SRRM2: variants seen among roughly 807,000 people sequenced by gnomAD.
SRRM2 encodes serine/arginine repetitive matrix protein 2.
A neutral mutation model predicts 213.8 loss-of-function variants in SRRM2; 30 were observed. That is an observed-to-expected ratio of 0.14 (90% CI 0.10 to 0.19). The LOEUF (loss-of-function observed/expected upper bound fraction) is 0.19. Among genes scored for constraint, SRRM2 ranks in the 10% least tolerant of loss-of-function variants. The probability of loss-of-function intolerance (pLI) is 1.00; values close to 1 mark genes in which losing one functional copy is unlikely to be tolerated. For synonymous variants in SRRM2, 2,025 were observed against 1,377.7 expected, an observed-to-expected ratio of 1.47 and a Z score of -10.40; for missense variants, 4,904 against 3,647.0, an observed-to-expected ratio of 1.34 and a Z score of -8.88.
intron 12 of SRRM2, chr16:2,769,640 C>G (rs1293509129): frequency 1.8e-6 from 1 of 565,402 alleles, no homozygotes; most frequent in Non-Finnish European, 3.4e-6. Context: ...TCCTCCCTGT[C>G]TCCCCGTCTC....
At position 2,765,192 on chromosome 16, in the gene SRRM2, A is replaced by G. The variant is rs2068496161; in HGVS notation, c.4664A>G (p.Glu1555Gly). Reference protein sequence around the residue: ...LDVKPSASPQERSESDSSPDS... With the variant: ...LDVKPSASPQGRSESDSSPDS... Reference sequence around the variant, plus strand: ...GTGAAACCCAGTGCATCCCCTCAGGAAAGAAGTGAGTCAGACTCTTCTCCA... The same window carrying G: ...GTGAAACCCAGTGCATCCCCTCAGGGAAGAAGTGAGTCAGACTCTTCTCCA... The change falls in exon 11 of 15, where the codon GAA (glutamate) becomes GGA (glycine). Residue 1555 changes from glutamate (E) to glycine (G), a missense_variant. Physicochemically the swap from Glu to Gly is moderately conservative, Grantham distance 98. Transcript: ENST00000301740. 6.2e-7 allele frequency: 1 copy of G among 1,614,164 alleles called. No individual in the cohort carries two copies. The highest frequency in any genetic ancestry group is 2.2e-5 in the East Asian group (1 of 44,884).
chr16:2,762,960 C>T lies in SRRM2; in HGVS notation c.2432C>T (p.Pro811Leu), dbSNP rs1335524358. Residue 811 changes from proline (P) to leucine (L), a missense_variant, in exon 11 of 15, where the codon CCA becomes CTA. Coordinates refer to ENST00000301740, the MANE Select transcript of SRRM2 (RefSeq NM_016333.4). ...SSQPKAKSRT[P>L]PRRSRSSSSP... is the part of the protein sequence containing the mutation. ...CAACCTAAAGCTAAATCTAGAACGCCACCCAGACGCAGTCGCTCCAGTTCT... is the reference window on the plus strand; with the variant it reads ...CAACCTAAAGCTAAATCTAGAACGCTACCCAGACGCAGTCGCTCCAGTTCT... 3 of 1,611,272 alleles carry T rather than the reference C, an allele frequency of 1.9e-6. No individual in the cohort carries two copies. In the Admixed American group the frequency reaches 5.0e-5, roughly 27 times the overall value.
Position 2,770,881 on chromosome 16 carries a change from G to T in SRRM2, c.*14G>T, listed in dbSNP as rs1050134. On this transcript the variant is annotated 3_prime_UTR_variant, in exon 15 of 15. Transcript: ENST00000301740. Reference sequence around the variant, plus strand: ...AGGTCTCCATAAATTGTCTTTGGGGGATTCCACCACACCCAATGCTCTGGA... The same window carrying T: ...AGGTCTCCATAAATTGTCTTTGGGGTATTCCACCACACCCAATGCTCTGGA... 248,484 of 1,613,160 alleles carry T rather than the reference G, an allele frequency of 0.15. 20,337 individuals are homozygous for T. Among genetic ancestry groups the T allele is most frequent in the East Asian group, 0.25 (11,236 of 44,868 alleles).
At chr16:2,755,672 T>C (rs529029347) in intron 1 of SRRM2, among the ~76,000 whole-genome samples, 2 of 152,358 alleles carry the variant, frequency 1.3e-5, no homozygotes, top group South Asian at 4.1e-4. Flanking sequence ...ATATGACGAT[T>C]ATCCAAGGTT....
At position 2,765,852 on chromosome 16, in the gene SRRM2, C is replaced by CCCG; in HGVS notation, c.5326_5328dup (p.Arg1776dup). 1 of 1,614,084 alleles carries CCCG rather than the reference C, an allele frequency of 6.2e-7. No homozygotes were observed. Among genetic ancestry groups the CCCG allele is most frequent in the East Asian group, 2.2e-5 (1 of 44,880 alleles). ...CCTCGTGGACTCCAGAGGTCCCGTT[C>CCCG]CCGCTCAAGGAGAGAGAAAACAAGA... On this transcript the variant is annotated inframe_insertion, in exon 11 of 15. Coordinates refer to ENST00000301740, the MANE Select transcript of SRRM2 (RefSeq NM_016333.4).
chr16:2,768,315 TTGGGGAG>T, intron 11 of SRRM2, 54 bp downstream of exon 11: 2 of 1,506,596 alleles, frequency 1.3e-6, no homozygotes, highest in Non-Finnish European at 1.8e-6. Context: ...TGGGGATGGG[TTGGGGAG>T]TGGGGAGGGA....
chr16:2,754,789 A>G (rs561662223), intron 1 of SRRM2, among the ~76,000 whole-genome samples: 1 of 152,128 alleles, frequency 6.6e-6, no homozygotes, highest in Non-Finnish European at 1.5e-5. Flanking sequence ...GAAAATGAGG[A>G]TTGGGGTGTA....
Position 2,766,011 on chromosome 16 carries a change from A to G in SRRM2, c.5483A>G (p.Gln1828Arg), listed in dbSNP as rs1196237316. ...TATCACTCAAGGTCACCTGCCCGGC[A>G]GGAAAGTTCCCGGACCTCCTCTCGA... ...SGYHSRSPAR[Q>R]ESSRTSSRRR... The change falls in exon 11 of 15, where the codon CAG becomes CGG. Residue 1828 changes from glutamine (Q) to arginine (R), a missense_variant. Physicochemically the swap from Gln to Arg is conservative, Grantham distance 43 (BLOSUM62 1). Transcript: ENST00000301740. This position sits in a 1 kb window ranked among gnomAD's most constrained non-coding sequence, Gnocchi z 7.0. 1.9e-6 allele frequency: 3 copies of G among 1,613,998 alleles called. No individual in the cohort carries two copies. Among genetic ancestry groups the G allele is most frequent in the Admixed American group, 3.3e-5 (2 of 59,990 alleles).
At position 2,761,682 on chromosome 16, in the gene SRRM2, C is replaced by T; in HGVS notation, c.1154C>T (p.Pro385Leu). Residue 385 changes from proline (P) to leucine (L), a missense_variant, in exon 11 of 15, where the codon CCC becomes CTC. Physicochemically the swap from Pro to Leu is moderately conservative, Grantham distance 98. Coordinates refer to ENST00000301740, the MANE Select transcript of SRRM2 (RefSeq NM_016333.4). ...TCCCCACAACCCCTTGCAACCACCC[C>T]CTTAAGCCAGGAGCCAGTGAACCCC... ...GGSPQPLATT[P>L]LSQEPVNPPS... 1.9e-6 allele frequency: 3 copies of T among 1,602,506 alleles called. No individual in the cohort carries two copies. The highest frequency in any genetic ancestry group is 2.6e-6 in the Non-Finnish European group (3 of 1,174,266).
In SRRM2 at chr16:2,766,921, A is replaced by T. The variant is rs962890575; in HGVS notation, c.6393A>T (p.Arg2131Ser). The T allele has an allele frequency of 1.2e-6, 2 of 1,613,950 alleles. No homozygotes were observed. Among genetic ancestry groups the T allele is most frequent in the African/African-American group, 1.3e-5 (1 of 74,892 alleles). ...SMSPTPLDRC[R>S]SPGMLEPLGS... Reference sequence around the variant, plus strand: ...CCCCAACACCTCTTGATCGCTGCAGATCACCTGGAATGCTTGAACCCCTTG... The same window carrying T: ...CCCCAACACCTCTTGATCGCTGCAGTTCACCTGGAATGCTTGAACCCCTTG... Residue 2131 changes from arginine to serine, a missense_variant, in exon 11 of 15, where the codon AGA (arginine) becomes AGT (serine). Coordinates refer to ENST00000301740, the MANE Select transcript of SRRM2 (RefSeq NM_016333.4). This position sits in a 1 kb window ranked among gnomAD's most constrained non-coding sequence, Gnocchi z 7.0.
In SRRM2 at chr16:2,760,292, C is replaced by T; in HGVS notation, c.834-9C>T. ...CTTCCTCTCCCACGTCCTCAATTAA[C>T]TCCTGCAGGTCTCGAAGTGCTGCAG... On this transcript the variant is annotated splice_polypyrimidine_tract_variant and intron_variant, in intron 9 of 14. Transcript: ENST00000301740. 1.2e-6 allele frequency: 2 copies of T among 1,611,706 alleles called. No homozygotes were observed. The highest frequency in any genetic ancestry group is 1.3e-5 in the African/African-American group (1 of 74,994).
chr16:2,769,991 A>G, intron 12 of SRRM2: 4 of 510,674 alleles, frequency 7.8e-6, no homozygotes, highest in Non-Finnish European at 7.0e-6. Flanking sequence ...AGCACCTTCG[A>G]GAAGACTGCC....
rs753208915 is a variant in SRRM2 at position 2,762,994 on chromosome 16, A to G, written c.2466A>G (p.Pro822=). ...GCAGTCGCTCCAGTTCTTCTCCGCC[A>G]CCTAAACAGAAATCTAAGACACCAT... is the stretch of plus-strand genomic sequence containing the variant. ...PRRSRSSSSP[P]PKQKSKTPSR... is the part of the protein sequence containing the mutation. Residue 822 remains proline, a synonymous_variant, in exon 11 of 15, where the codon CCA becomes CCG. Coordinates refer to ENST00000301740, the MANE Select transcript of SRRM2 (RefSeq NM_016333.4). 6.2e-6 allele frequency: 10 copies of G among 1,613,924 alleles called. 1 individual carries two copies. In the African/African-American group the frequency reaches 9.3e-5, roughly 15 times the overall value.
Position 2,765,382 on chromosome 16 carries a change from T to C in SRRM2, c.4854T>C (p.Ser1618=). The C allele has an allele frequency of 6.2e-7, 1 of 1,614,218 alleles. No homozygotes were observed. The highest frequency in any genetic ancestry group is 8.5e-7 in the Non-Finnish European group (1 of 1,180,042). Reference sequence around the variant, plus strand: ...CAGCACCCAGGGCACAGAGTGGTTCTGATTCCTCTCCTGAACCTAAAGCTC... The same window carrying C: ...CAGCACCCAGGGCACAGAGTGGTTCCGATTCCTCTCCTGAACCTAAAGCTC... ...PRAAPRAQSG[S]DSSPEPKAPA... is the part of the protein sequence containing the mutation. The change falls in exon 11 of 15, where the codon TCT becomes TCC. Residue 1618 remains serine (S), a synonymous_variant. Coordinates refer to ENST00000301740, the MANE Select transcript of SRRM2 (RefSeq NM_016333.4).
chr16:2,765,811 C>G lies in SRRM2; in HGVS notation c.5283C>G (p.Arg1761=). 1 of 1,614,110 alleles carries G rather than the reference C, an allele frequency of 6.2e-7. No homozygotes were observed. Among genetic ancestry groups the G allele is most frequent in the Middle Eastern group, 1.6e-4 (1 of 6,062 alleles). ...CTAAGACAACCTCAAGGAGAGGCCG[C>G]TCTCCTTCGCCAAAGCCTCGTGGAC... ...PRTKTTSRRG[R]SPSPKPRGLQ... The change falls in exon 11 of 15, where the codon CGC becomes CGG. Residue 1761 remains arginine, a synonymous_variant. Coordinates refer to ENST00000301740, the MANE Select transcript of SRRM2 (RefSeq NM_016333.4).
In SRRM2 at chr16:2,752,791, G is replaced by T; in HGVS notation, c.-87G>T. 1 of 346,300 alleles carries T rather than the reference G, an allele frequency of 2.9e-6. No individual in the cohort carries two copies. The highest frequency in any genetic ancestry group is 1.9e-5 in the South Asian group (1 of 51,790). 21.5% of individuals were successfully genotyped at this position (346,300 alleles called of 1,614,324 possible). On this transcript the variant is annotated 5_prime_UTR_variant, in exon 1 of 15. Transcript: ENST00000301740. ...CCAGGCCCGAGGGACTCGGGAGCTC[G>T]AGCAGCGGCGGCGGCAAGACCTCTC...
intron 4 of SRRM2, among the ~76,000 whole-genome samples, 173 bp from the exon 5 acceptor site, chr16:2,758,297 A>G (rs1162197750): frequency 2.0e-5 from 3 of 152,188 alleles, no homozygotes; most frequent in Non-Finnish European, 4.4e-5. Flanking sequence ...TGAGCCCACA[A>G]GTTGGAGGTT....
rs1333916065 is a variant in SRRM2, at chr16:2,757,953, A to G, written c.515+8A>G. 2.5e-6 allele frequency: 4 copies of G among 1,602,698 alleles called. No homozygotes were observed. The highest frequency in any genetic ancestry group is 2.6e-6 in the Non-Finnish European group (3 of 1,174,826). On this transcript the variant is annotated splice_region_variant and intron_variant, in intron 4 of 14. Transcript: ENST00000301740. ...GCCTCCCAAACCTTACAGGTATACA[A>G]GGCCAAGAAACCACTGTCAGCTTCT... is the stretch of plus-strand genomic sequence containing the variant.
In SRRM2 at chr16:2,769,157, T is replaced by A; in HGVS notation, c.7894T>A (p.Ser2632Thr). Residue 2632 changes from serine to threonine, a missense_variant, in exon 12 of 15, where the codon TCC becomes ACC. Coordinates refer to ENST00000301740, the MANE Select transcript of SRRM2 (RefSeq NM_016333.4). ...CTCCTCCTCTTCTTCCTCCTCCTCT[T>A]CCTCTTCTTCTTCTTCCTCCTCATC... is the stretch of plus-strand genomic sequence containing the variant. Reference protein sequence around the residue: ...SSSSSSSSSSSSSSSSSSSSS... With the variant: ...SSSSSSSSSSTSSSSSSSSSS... 6.2e-7 allele frequency: 1 copy of A among 1,612,514 alleles called. No homozygotes were observed. The highest frequency in any genetic ancestry group is 1.1e-5 in the South Asian group (1 of 90,968).
Sources: gnomAD v4.1 joint callset for allele counts (sites outside exome capture counted in the v4.1 genomes callset) on GRCh38, gnomAD v4.1.1 for gene constraint, Gnocchi (gnomAD v3.1) non-coding constraint, MANE v1.5 for transcripts, NCBI Gene and HGNC (gene_info 2026-07-23, HGNC 2026-07-21) for gene names.